FLT3: variants seen among roughly 807,000 people sequenced by gnomAD.
FLT3 encodes the protein fms related receptor tyrosine kinase 3.
A neutral mutation model predicts 126.6 loss-of-function variants in FLT3; 46 were observed. The observed-to-expected ratio is 0.36, with a 90% CI of 0.29 to 0.46. FLT3 has a LOEUF of 0.46. Among genes scored for constraint, FLT3 ranks in the 20% least tolerant of loss-of-function variants. The probability of loss-of-function intolerance (pLI) is 1.00; values close to 1 mark genes in which losing one functional copy is unlikely to be tolerated. For missense variants in FLT3, 1,069 were observed against 1,190.3 expected (o/e 0.90, Z 1.50); for synonymous variants, 404 against 434.4 (o/e 0.93, Z 0.87).
At chr13:28,054,955 T>C (rs1875879363) in intron 4 of FLT3, among the ~76,000 whole-genome samples, 1 of 152,156 alleles carries the variant, frequency 6.6e-6, no homozygotes. Flanking sequence ...GTTTTTCTTA[T>C]TGACTTATTG....
chr13:28,019,331 C>T (rs530693061), intron 19 of FLT3, among the ~76,000 whole-genome samples: 83 of 152,026 alleles, frequency 5.5e-4, no homozygotes, highest in African/African-American at 1.8e-3. Flanking sequence ...GGGAAATAAT[C>T]GGAAAAACAA....
At chr13:28,055,501 T>A (rs1875922832) in intron 4 of FLT3, among the ~76,000 whole-genome samples, 1 of 152,268 alleles carries the variant, frequency 6.6e-6, no homozygotes, top group South Asian at 2.1e-4. Flanking sequence ...AGGTTCAAAT[T>A]TACTTTTTTG....
chr13:28,050,777 C>A (rs1875370566), intron 5 of FLT3, among the ~76,000 whole-genome samples: 1 of 151,784 alleles, frequency 6.6e-6, no homozygotes, highest in African/African-American at 2.4e-5. Flanking sequence ...CAGCAGAAAG[C>A]GAACTTTTGT....
At chr13:28,022,473 C>G (rs1289014368) in intron 19 of FLT3, among the ~76,000 whole-genome samples, 1 of 152,040 alleles carries the variant, frequency 6.6e-6, no homozygotes, top group Non-Finnish European at 1.5e-5. Context: ...GATCACGCCA[C>G]TGCACTCCAG....
chr13:28,078,798 C>T (rs1878130881), intron 1 of FLT3, among the ~76,000 whole-genome samples: 1 of 151,888 alleles, frequency 6.6e-6, no homozygotes, highest in South Asian at 2.1e-4. Context: ...ACCACAACCT[C>T]CGCCTCCCAG....
At chr13:28,042,027 G>A (rs769359798) in intron 9 of FLT3, among the ~76,000 whole-genome samples, 4 of 151,748 alleles carry the variant, frequency 2.6e-5, no homozygotes, top group Non-Finnish European at 5.9e-5. Flanking sequence ...GGTGGCACAC[G>A]CCTGTAATCC....
rs554326978 is a variant in FLT3, at chr13:28,003,762, T to C, written c.*290A>G. On this transcript the variant is annotated 3_prime_UTR_variant, in exon 24 of 24. Transcript: ENST00000241453. ...GTTTTATGTATTTACAAGAATATAC[T>C]GTACTTCAGGTACACAATTCACTCA... 43 of 402,088 alleles carry C rather than the reference T, an allele frequency of 1.1e-4. No individual in the cohort carries two copies. The highest frequency in any genetic ancestry group is 6.8e-4 in the Admixed American group (18 of 26,544). 24.9% of individuals were successfully genotyped at this position (402,088 alleles called of 1,614,324 possible). A position where few individuals can be genotyped will look rare whatever the true frequency, so the allele number is the denominator to read the frequency against.
intron 9 of FLT3, among the ~76,000 whole-genome samples, chr13:28,042,577 A>C (rs1362788841): frequency 1.3e-5 from 2 of 152,202 alleles, no homozygotes; most frequent in East Asian, 1.9e-4. Flanking sequence ...CAATTTCCAC[A>C]TTTCATAAAA....
Position 28,081,844 on chromosome 13 carries a change from C to CTTTTTTTTTTTTTTTTTTTTTTTTTTT in FLT3, c.44-11259_44-11233dup, listed in dbSNP as rs35243277. Among the ~76,000 whole-genome samples, 4 of 64,988 alleles carry CTTTTTTTTTTTTTTTTTTTTTTTTTTT rather than the reference C, an allele frequency of 6.2e-5. 1 individual carries two copies. The highest frequency in any genetic ancestry group is 1.4e-4 in the African/African-American group (2 of 14,412). 42.6% of individuals were successfully genotyped at this position (64,988 alleles called of 152,430 possible). On this transcript the variant is annotated intron_variant, in intron 1 of 23. Transcript: ENST00000241453. The stretch of plus-strand genomic sequence containing the variant: ...TTACTTTGATTTTTTTACTTTGATT[C>CTTTTTTTTTTTTTTTTTTTTTTTTTTT]TTTTTTTTTTTTTTTTTTTTTTTTT...
intron 20 of FLT3, among the ~76,000 whole-genome samples, chr13:28,016,366 G>A (rs1480735419): frequency 6.6e-6 from 1 of 152,022 alleles, no homozygotes; most frequent in East Asian, 1.9e-4. Flanking sequence ...AGACTCCCTG[G>A]TTTAAGTGGT....
Position 28,029,984 on chromosome 13 carries a change from C to T in FLT3, c.1943-1696G>A, listed in dbSNP as rs528292719. On this transcript the variant is annotated intron_variant, in intron 15 of 23. Coordinates refer to ENST00000241453, the MANE Select transcript of FLT3 (RefSeq NM_004119.3). ...GCCCGGGCAGCCACAGGGGCAAGGG[C>T]AGGGTCTCTGGACTTCCCTCTCCAG... 2.6e-5 allele frequency among the ~76,000 whole-genome samples: 4 copies of T among 152,316 alleles called. No individual in the cohort carries two copies. The East Asian group carries it at 7.7e-4, about 29-fold the overall frequency.
At chr13:28,025,154 C>A (rs887164616) in intron 17 of FLT3, 2 of 557,352 alleles carry the variant, frequency 3.6e-6, no homozygotes, top group South Asian at 4.7e-5. Context: ...CCCTGTTTTC[C>A]ATATAGAATC....
intron 1 of FLT3, among the ~76,000 whole-genome samples, chr13:28,075,723 T>TA (rs905193442): frequency 1.1e-3 from 87 of 82,144 alleles, no homozygotes; most frequent in South Asian, 2.2e-3. Context: ...AGGCTCTGTC[T>TA]AAAAAAAAAA....
intron 1 of FLT3, among the ~76,000 whole-genome samples, chr13:28,090,320 G>C (rs7326210): frequency 0.64 from 96,758 of 151,356 alleles, 31,076 homozygotes; most frequent in East Asian, 0.74. Flanking sequence ...ACAGGTTCGA[G>C]CCACTGTGCA....
At chr13:28,060,309 C>G (rs977937054) in intron 3 of FLT3, among the ~76,000 whole-genome samples, 1 of 150,722 alleles carries the variant, frequency 6.6e-6, no homozygotes, top group Non-Finnish European at 1.5e-5. Context: ...GTAATCCCAG[C>G]TACTCAGGAG....
chr13:28,007,545 C>G (rs371467464), intron 23 of FLT3, among the ~76,000 whole-genome samples: 1 of 152,200 alleles, frequency 6.6e-6, no homozygotes, highest in East Asian at 1.9e-4. Context: ...CCACACCCGA[C>G]TTCTTTTTTT....
Position 28,019,194 on chromosome 13 carries a change from T to C in FLT3, c.2419-605A>G, listed in dbSNP as rs2137627330. 2.0e-5 allele frequency among the ~76,000 whole-genome samples: 3 copies of C among 152,272 alleles called. No individual in the cohort carries two copies. The East Asian group carries it at 5.8e-4, about 30-fold the overall frequency. The stretch of plus-strand genomic sequence containing the variant: ...GTTGGTCAGGCTGGTCTCGAACTCC[T>C]GACCTCAGGTGATCCACCCACCTCG... On this transcript the variant is annotated intron_variant, in intron 19 of 23. Coordinates refer to ENST00000241453, the MANE Select transcript of FLT3 (RefSeq NM_004119.3).
At chr13:28,042,483 T>C (rs547397645) in intron 9 of FLT3, among the ~76,000 whole-genome samples, 1 of 116,928 alleles carries the variant, frequency 8.6e-6, no homozygotes, top group African/African-American at 3.1e-5. Context: ...GGTGGAATTA[T>C]GTGTTTTTTT....
chr13:28,026,261 A>T (rs1304829276), intron 17 of FLT3, among the ~76,000 whole-genome samples: 2 of 151,260 alleles, frequency 1.3e-5, no homozygotes, highest in East Asian at 3.9e-4. Context: ...GAGGCAAGAG[A>T]ATCGCTTGAA....
Sources: gnomAD v4.1 joint callset for allele counts (sites outside exome capture counted in the v4.1 genomes callset) on GRCh38, gnomAD v4.1.1 for gene constraint, MANE v1.5 for transcripts, NCBI Gene and HGNC (gene_info 2026-07-23, HGNC 2026-07-21) for gene names.